The following CSK variants were observed in gnomAD, a reference collection of about 807,000 sequenced individuals.
CSK encodes the protein C-terminal Src kinase, also known as tyrosine-protein kinase CSK.
In CSK, 7 loss-of-function variants were observed where a neutral mutation model predicts 62.3. The ratio of observed to expected loss-of-function variants is 0.11; its 90% CI spans 0.06 to 0.21. The LOEUF is 0.21. Among genes scored for constraint, CSK ranks in the 10% least tolerant of loss-of-function variants. The pLI, the probability that CSK is intolerant of heterozygous loss-of-function variation, is 1.00. For missense variants in CSK, 294 were observed against 613.5 expected (o/e 0.48, Z 5.50); for synonymous variants, 237 against 246.0 (o/e 0.96, Z 0.34).
In CSK at chr15:74,802,610, C is replaced by T. The variant is rs530535234; in HGVS notation, c.*97C>T. ...TCACTGGGCCCGAGCCTGAACTGAG[C>T]CCCAGCGGGCTGGCGGGCCTTTTTC... On this transcript the variant is annotated 3_prime_UTR_variant, in exon 13 of 13. Coordinates refer to ENST00000220003, the MANE Select transcript of CSK (RefSeq NM_004383.3). 3.4e-6 allele frequency: 5 copies of T among 1,474,156 alleles called. No homozygotes were observed. Among genetic ancestry groups the T allele is most frequent in the South Asian group, 2.5e-5 (2 of 80,108 alleles). The allele number at this position is 1,474,156 out of a possible 1,614,324, so 91.3% of individuals were successfully genotyped here.
chr15:74,799,524 C>T (rs764529264), intron 5 of CSK, 33 bp downstream of exon 5: 10 of 1,591,742 alleles, frequency 6.3e-6, no homozygotes, highest in Non-Finnish European at 8.6e-6. Flanking sequence ...TTGCTCCCAC[C>T]CTCACACACC....
In CSK at chr15:74,800,742, C is replaced by T. The variant is rs571010572; in HGVS notation, c.618C>T (p.Phe206=). The T allele has an allele frequency of 2.2e-5, 35 of 1,574,678 alleles. No individual in the cohort carries two copies. Among genetic ancestry groups the T allele is most frequent in the East Asian group, 1.2e-4 (5 of 42,584 alleles). ...TGCAGACCATCGGGAAGGGGGAGTT[C>T]GGAGGTGAGCTGGGCCGGGCCCCCT... The part of the protein sequence containing the change: ...KLLQTIGKGE[F]GDVMLGDYRG... The change falls in exon 7 of 13, where the codon TTC becomes TTT. Residue 206 remains phenylalanine, a synonymous_variant. Coordinates refer to ENST00000220003, the MANE Select transcript of CSK (RefSeq NM_004383.3).
At position 74,800,806 on chromosome 15, in the gene CSK, C is replaced by T; in HGVS notation, c.623-17C>T. 6.2e-7 allele frequency: 1 copy of T among 1,606,250 alleles called. No homozygotes were observed. Among genetic ancestry groups the T allele is most frequent in the Non-Finnish European group, 8.5e-7 (1 of 1,176,456 alleles). On this transcript the variant is annotated splice_polypyrimidine_tract_variant and intron_variant, in intron 7 of 12. Transcript: ENST00000220003. ...GGGACTCCGAACTTGGGAACAAGAC[C>T]ACCTCTCTGCCCCCAGACGTGATGC...
At chr15:74,789,069 C>G (rs796280616) in intron 1 of CSK, among the ~76,000 whole-genome samples, 4 of 152,342 alleles carry the variant, frequency 2.6e-5, no homozygotes, top group East Asian at 1.9e-4. Flanking sequence ...CCCCAGCCCC[C>G]ACCTCTCCCA....
In CSK at chr15:74,799,000, G is replaced by A. The variant is rs1186960972; in HGVS notation, c.242+62G>A. On this transcript the variant is annotated intron_variant, in intron 4 of 12. Coordinates refer to ENST00000220003, the MANE Select transcript of CSK (RefSeq NM_004383.3). The surrounding 1 kb of genome is among the most constrained non-coding windows in gnomAD (Gnocchi z 6.6). ...CCTTGGTCCTCCTGAAGGAGCATCA[G>A]GAGCAAGCAGGGAGGCCAGAGTGAG... is the stretch of plus-strand genomic sequence containing the variant. 7.2e-7 allele frequency: 1 copy of A among 1,394,590 alleles called. No homozygotes were observed. Among genetic ancestry groups the A allele is most frequent in the African/African-American group, 2.1e-5 (1 of 48,494 alleles). 86.4% of individuals were successfully genotyped at this position (1,394,590 alleles called of 1,614,324 possible).
chr15:74,783,297 G>C (rs1000471765), intron 1 of CSK, among the ~76,000 whole-genome samples: 6 of 152,226 alleles, frequency 3.9e-5, no homozygotes, highest in Admixed American at 1.3e-4. Context: ...CAGGCCTTCT[G>C]CCCGGGGGGA....
intron 1 of CSK, among the ~76,000 whole-genome samples, chr15:74,786,002 C>CTCTCTTTTT (rs397829139): frequency 1.4e-5 from 1 of 73,620 alleles, no homozygotes; most frequent in African/African-American, 6.3e-5. Context: ...CTCTCTCTCT[C>CTCTCTTTTT]TTTTTTTTTT....
chr15:74,791,652 T>A (rs996365074), intron 1 of CSK, among the ~76,000 whole-genome samples: 1 of 152,256 alleles, frequency 6.6e-6, no homozygotes, highest in Non-Finnish European at 1.5e-5. Flanking sequence ...TTGTCATGTT[T>A]CTCTAGTGTC....
At chr15:74,792,459 C>T (rs1178360320) in intron 1 of CSK, among the ~76,000 whole-genome samples, 2 of 152,230 alleles carry the variant, frequency 1.3e-5, no homozygotes, top group Admixed American at 1.3e-4. Flanking sequence ...CAAGGTCACA[C>T]AGCAAGTTGA....
chr15:74,794,846 G>C (rs2063680969), intron 1 of CSK, among the ~76,000 whole-genome samples: 1 of 152,022 alleles, frequency 6.6e-6, no homozygotes, highest in African/African-American at 2.4e-5. Context: ...ATGATCACAT[G>C]CCCCCCTGCT....
chr15:74,787,060 T>G (rs1363907701), intron 1 of CSK, among the ~76,000 whole-genome samples: 1 of 152,172 alleles, frequency 6.6e-6, no homozygotes, highest in Non-Finnish European at 1.5e-5. Context: ...TTTGGGTGTT[T>G]CTCAGTTTCC....
At chr15:74,794,783 C>G (rs1567217037) in intron 1 of CSK, among the ~76,000 whole-genome samples, 1 of 152,100 alleles carries the variant, frequency 6.6e-6, no homozygotes, top group Non-Finnish European at 1.5e-5. Context: ...GGTGTGCGGC[C>G]TGGAAGTGTT....
At position 74,798,019 on chromosome 15, in the gene CSK, G is replaced by C. The variant is rs2063732927; in HGVS notation, c.-65-214G>C. ...TCCTGGAAGGCCCCCTGTGGCCTTA[G>C]GGTTGGTGGCTCCCTCTGCCCCTGG... On this transcript the variant is annotated intron_variant, in intron 1 of 12. Transcript: ENST00000220003. The surrounding 1 kb of genome is among the most constrained non-coding windows in gnomAD (Gnocchi z 6.6). 9.7e-6 allele frequency: 4 copies of C among 413,120 alleles called. No individual in the cohort carries two copies. Among genetic ancestry groups the C allele is most frequent in the Non-Finnish European group, 1.8e-5 (4 of 228,440 alleles). 25.6% of individuals were successfully genotyped at this position (413,120 alleles called of 1,614,324 possible).
chr15:74,796,413 A>G (rs569000553), intron 1 of CSK, among the ~76,000 whole-genome samples: 32 of 152,084 alleles, frequency 2.1e-4, no homozygotes, highest in Non-Finnish European at 4.3e-4. Context: ...CAGAAAAGGC[A>G]GGCACACTCA....
At position 74,792,159 on chromosome 15, in the gene CSK, A is replaced by C. The variant is rs116181658; in HGVS notation, c.-65-6074A>C. On this transcript the variant is annotated intron_variant, in intron 1 of 12. Transcript: ENST00000220003. ...CTTGTAATTTATCCACCCAGCCCCC[A>C]ACTGATGGACATAAAGGCTGTCTCC... Among the ~76,000 whole-genome samples, 1,368 of 152,102 alleles carry C rather than the reference A, an allele frequency of 9.0e-3. 19 individuals are homozygous for C. The highest frequency in any genetic ancestry group is 0.027 in the African/African-American group (1,135 of 41,452).
Position 74,797,136 on chromosome 15 carries a change from T to G in CSK, c.-65-1097T>G, listed in dbSNP as rs951180775. On this transcript the variant is annotated intron_variant, in intron 1 of 12. Transcript: ENST00000220003. The stretch of plus-strand genomic sequence containing the variant: ...TTTGTATCTTTAGTAGAGACCGGGT[T>G]TCGCCATGTTGCCGAGACTGGTCTT... Among the ~76,000 whole-genome samples, 9 of 152,212 alleles carry G rather than the reference T, an allele frequency of 5.9e-5. 1 individual carries two copies. In the South Asian group the frequency reaches 1.9e-3, roughly 32 times the overall value.
Position 74,798,330 on chromosome 15 carries a change from G to T in CSK, c.15+18G>T. The T allele has an allele frequency of 2.5e-6, 4 of 1,591,660 alleles. No individual in the cohort carries two copies. The highest frequency in any genetic ancestry group is 2.6e-6 in the Non-Finnish European group (3 of 1,166,908). On this transcript the variant is annotated intron_variant, in intron 2 of 12. Transcript: ENST00000220003. This position sits in a 1 kb window ranked among gnomAD's most constrained non-coding sequence, Gnocchi z 6.6. ...CAATACAGGTACCACAGGGGTGAGG[G>T]TCTGGGACATGCAAGCATTCCCACC...
In CSK at chr15:74,798,434, AGGTACAGGCCT is replaced by A; in HGVS notation, c.15+125_15+135del. On this transcript the variant is annotated intron_variant, in intron 2 of 12. Coordinates refer to ENST00000220003, the MANE Select transcript of CSK (RefSeq NM_004383.3). This position sits in a 1 kb window ranked among gnomAD's most constrained non-coding sequence, Gnocchi z 6.6. ...CTCCCCTTTTTCCCAGCACTCAGTCAGGTACAGGCCTGGGGAAGTGGGGGAGTCTCAACAGG... is the reference window on the plus strand; with the variant it reads ...CTCCCCTTTTTCCCAGCACTCAGTCAGGGGAAGTGGGGGAGTCTCAACAGG... The A allele has an allele frequency of 7.3e-7, 1 of 1,378,574 alleles. No individual in the cohort carries two copies. Among genetic ancestry groups the A allele is most frequent in the South Asian group, 1.2e-5 (1 of 80,808 alleles). 85.4% of individuals were successfully genotyped at this position (1,378,574 alleles called of 1,614,324 possible).
chr15:74,798,557 C>T lies in CSK; in HGVS notation c.16-58C>T, dbSNP rs755885702. 1.6e-5 allele frequency: 24 copies of T among 1,499,992 alleles called. No homozygotes were observed. Among genetic ancestry groups the T allele is most frequent in the Non-Finnish European group, 2.1e-5 (23 of 1,082,900 alleles). 92.9% of individuals were successfully genotyped at this position (1,499,992 alleles called of 1,614,324 possible). On this transcript the variant is annotated intron_variant, in intron 2 of 12. Transcript: ENST00000220003. This position sits in a 1 kb window ranked among gnomAD's most constrained non-coding sequence, Gnocchi z 6.6. ...AGAGGCTGTGACCACGAGGGTGCGC[C>T]AGCAGGTGGCTGGAGGGGGCCCAGG...
Sources: allele counts gnomAD v4.1 joint callset (sites outside exome capture counted in the v4.1 genomes callset), GRCh38; gene constraint gnomAD v4.1.1; non-coding constraint Gnocchi (gnomAD v3.1); transcripts MANE v1.5; gene names NCBI Gene and HGNC (gene_info 2026-07-23, HGNC 2026-07-21).